Variants in LSS observed in about 807,000 individuals in gnomAD.
LSS encodes the protein lanosterol synthase, also known as 2,3-epoxysqualene-lanosterol cyclase.
In LSS, 90 loss-of-function variants were observed where a neutral mutation model predicts 110.3. The observed-to-expected ratio is 0.82, with a 90% CI of 0.69 to 0.97. The LOEUF (loss-of-function observed/expected upper bound fraction) is 0.97. LSS is among the 50% of genes least tolerant of loss of function. The probability of loss-of-function intolerance (pLI) is 0.00; values close to 1 mark genes in which losing one functional copy is unlikely to be tolerated. For synonymous variants in LSS, 433 were observed against 400.0 expected (o/e 1.08, Z -0.98); for missense variants, 927 against 990.0 (o/e 0.94, Z 0.85).
At chr21:46,215,617 G>A (rs1423273285) in intron 8 of LSS, 68 bp downstream of exon 8, 92 of 1,131,768 alleles carry the variant, frequency 8.1e-5, no homozygotes, top group South Asian at 2.9e-5. Context: ...GGATGAGTGC[G>A]TGAATGAGTG....
chr21:46,203,205 T>C (rs547871718), intron 17 of LSS, among the ~76,000 whole-genome samples: 16 of 152,258 alleles, frequency 1.1e-4, no homozygotes, highest in African/African-American at 3.9e-4. Context: ...ATAATAATGG[T>C]CATGAATAAA....
At position 46,216,884 on chromosome 21, in the gene LSS, C is replaced by T. The variant is rs1479171652; in HGVS notation, c.648-360G>A. On this transcript the variant is annotated intron_variant, in intron 6 of 21. Coordinates refer to ENST00000397728, the MANE Select transcript of LSS (RefSeq NM_002340.6). The surrounding 1 kb of genome is among the most constrained non-coding windows in gnomAD (Gnocchi z 4.2). Reference sequence around the variant, plus strand: ...TGAGGGCCCCAGGGAACACTCTTGGCTATCTTTGCAACTTTTCCAGAAATT... The same window carrying T: ...TGAGGGCCCCAGGGAACACTCTTGGTTATCTTTGCAACTTTTCCAGAAATT... Among the ~76,000 whole-genome samples, 2 of 152,142 alleles carry T rather than the reference C, an allele frequency of 1.3e-5. No homozygotes were observed. Among genetic ancestry groups the T allele is most frequent in the Non-Finnish European group, 2.9e-5 (2 of 68,026 alleles).
At chr21:46,203,423 C>T (rs78924032) in intron 17 of LSS, among the ~76,000 whole-genome samples, 7,627 of 152,286 alleles carry the variant, frequency 0.05, 583 homozygotes, top group African/African-American at 0.17. Context: ...GGCAGCAAGC[C>T]GCCATGGAAA....
In LSS at chr21:46,207,595, T is replaced by C. The variant is rs1290329064; in HGVS notation, c.1318-18A>G. On this transcript the variant is annotated intron_variant, in intron 14 of 21. Transcript: ENST00000397728. ...AAGCCACCCTGCAGAGCACAAGCCATGACTCCAGGCTGGGGGTGTCCACAC... is the reference window on the plus strand; with the variant it reads ...AAGCCACCCTGCAGAGCACAAGCCACGACTCCAGGCTGGGGGTGTCCACAC... 9 of 1,604,854 alleles carry C rather than the reference T, an allele frequency of 5.6e-6. No homozygotes were observed. In the East Asian group the frequency reaches 1.3e-4, roughly 24 times the overall value.
chr21:46,214,194 G>A (rs567141705), intron 9 of LSS, among the ~76,000 whole-genome samples: 1 of 152,328 alleles, frequency 6.6e-6, no homozygotes, highest in South Asian at 2.1e-4. Context: ...GGCCTGAGGG[G>A]CCCAGGAAGA....
intron 20 of LSS, chr21:46,192,437 C>A: frequency 2.2e-6 from 1 of 446,840 alleles, no homozygotes; most frequent in South Asian, 1.6e-5. Flanking sequence ...CCTGCCCTAG[C>A]TTTTAGGGTT....
intron 5 of LSS, 89 bp downstream of exon 5, chr21:46,221,765 G>C (rs181947976): frequency 2.5e-6 from 4 of 1,573,954 alleles, no homozygotes; most frequent in Non-Finnish European, 3.5e-6. Flanking sequence ...TGTTTCAGCT[G>C]CAAGTGCATC....
intron 14 of LSS, 36 bp from the exon 15 acceptor site, chr21:46,207,613 G>T: frequency 6.3e-7 from 1 of 1,596,972 alleles, no homozygotes. Flanking sequence ...GGCTGGGGGT[G>T]TCCACACCCC....
intron 8 of LSS, 65 bp from the exon 9 acceptor site, chr21:46,215,363 G>T: frequency 1.8e-6 from 2 of 1,117,018 alleles, no homozygotes; most frequent in Non-Finnish European, 2.6e-6. Flanking sequence ...GGAGCTCCAT[G>T]CACTGCAACG....
rs766346100 is a variant in LSS at position 46,212,996 on chromosome 21, G to A, written c.1137+29C>T. On this transcript the variant is annotated intron_variant, in intron 11 of 21. Transcript: ENST00000397728. The stretch of plus-strand genomic sequence containing the variant: ...AAGGGGAGACATGATTGCAAAGGAA[G>A]CATGCAGCCGCAGTCCCGCAGCCCT... The A allele has an allele frequency of 3.1e-6, 5 of 1,613,484 alleles. No individual in the cohort carries two copies. The Admixed American group carries it at 6.7e-5, about 22-fold the overall frequency.
intron 10 of LSS, 26 bp downstream of exon 10, chr21:46,213,712 C>G (rs369398731): frequency 9.9e-5 from 158 of 1,599,252 alleles, no homozygotes; most frequent in Non-Finnish European, 1.3e-4. Flanking sequence ...TGAGAGGCCC[C>G]GCCAGCATAT....
At position 46,211,419 on chromosome 21, in the gene LSS, G is replaced by A. The variant is rs149867698; in HGVS notation, c.1138-675C>T. On this transcript the variant is annotated intron_variant, in intron 11 of 21. Transcript: ENST00000397728. ...GTAGGGATTACAGGCGTGAGCCACC[G>A]CACCTGGCCAATGATCCCCATTTCT... 3.4e-3 allele frequency among the ~76,000 whole-genome samples: 511 copies of A among 152,324 alleles called. 4 individuals are homozygous for A. The highest frequency in any genetic ancestry group is 9.5e-3 in the African/African-American group (393 of 41,578).
In LSS at chr21:46,191,192, T is replaced by C. The variant is rs1259174525; in HGVS notation, c.2111A>G (p.Tyr704Cys). ...GGGGAAGATGTTCCTGTAGCTCGTG[T>C]AGGAGATGGCACAGGACTTGTTGAA... ...GVFNKSCAIS[Y>C]TSYRNIFPIW... Residue 704 changes from tyrosine to cysteine, a missense_variant, in exon 22 of 22, where the codon TAC becomes TGC. Physicochemically the swap from Tyr to Cys is radical, Grantham distance 194. Transcript: ENST00000397728. 6.2e-7 allele frequency: 1 copy of C among 1,613,970 alleles called. No individual in the cohort carries two copies. The highest frequency in any genetic ancestry group is 1.1e-5 in the South Asian group (1 of 91,092).
At position 46,222,752 on chromosome 21, in the gene LSS, G is replaced by C; in HGVS notation, c.320-14C>G. On this transcript the variant is annotated splice_polypyrimidine_tract_variant and intron_variant, in intron 3 of 21. Transcript: ENST00000397728. ...TGATCAGGAGGCCTGTGTGGCAGGA[G>C]AGATGTTCCTCACTGGGGACAGGTG... The C allele has an allele frequency of 6.2e-7, 1 of 1,602,302 alleles. No homozygotes were observed. The highest frequency in any genetic ancestry group is 1.1e-5 in the South Asian group (1 of 90,798).
chr21:46,224,233 T>C (rs955669086), intron 3 of LSS, among the ~76,000 whole-genome samples: 1 of 152,212 alleles, frequency 6.6e-6, no homozygotes, highest in African/African-American at 2.4e-5. Context: ...AAGGGCCCCC[T>C]GTCCAGTGGA....
At chr21:46,206,421 T>G (rs1203592703) in intron 16 of LSS, among the ~76,000 whole-genome samples, 1 of 152,126 alleles carries the variant, frequency 6.6e-6, no homozygotes, top group Admixed American at 6.5e-5. Context: ...AGGCTGTGGA[T>G]CTCACTGGAA....
At position 46,216,568 on chromosome 21, in the gene LSS, C is replaced by G. The variant is rs777421060; in HGVS notation, c.648-44G>C. 15 of 1,507,190 alleles carry G rather than the reference C, an allele frequency of 1.0e-5. No individual in the cohort carries two copies. In the Admixed American group the frequency reaches 3.1e-4, roughly 31 times the overall value. The allele number at this position is 1,507,190 out of a possible 1,614,324, so 93.4% of individuals were successfully genotyped here. A position where few individuals can be genotyped will look rare whatever the true frequency, so the allele number is the denominator to read the frequency against. ...TCAGTGGGAGACCCCAAGACTCAAG[C>G]CTGCCCCCTCCGCCAGCATCCATAC... On this transcript the variant is annotated intron_variant, in intron 6 of 21. Coordinates refer to ENST00000397728, the MANE Select transcript of LSS (RefSeq NM_002340.6). The surrounding 1 kb of genome is among the most constrained non-coding windows in gnomAD (Gnocchi z 4.2).
Position 46,205,893 on chromosome 21 carries a change from A to G in LSS, c.1613T>C (p.Met538Thr). 1 of 1,611,766 alleles carries G rather than the reference A, an allele frequency of 6.2e-7. No homozygotes were observed. Among genetic ancestry groups the G allele is most frequent in the Non-Finnish European group, 8.5e-7 (1 of 1,179,120 alleles). ...CTTGTGGAAATACTTAAGCGCCTGC[A>G]TCACGGCTGAGGTGCACTCCACATA... ...YTYVECTSAV[M>T]QALKYFHKRF... Residue 538 changes from methionine to threonine, a missense_variant, in exon 17 of 22, where the codon ATG becomes ACG. Physicochemically the swap from Met to Thr is moderately conservative, Grantham distance 81 (BLOSUM62 -1). Coordinates refer to ENST00000397728, the MANE Select transcript of LSS (RefSeq NM_002340.6).
chr21:46,222,600 G>C, intron 4 of LSS, 30 bp downstream of exon 4: 1 of 1,578,260 alleles, frequency 6.3e-7, no homozygotes, highest in Non-Finnish European at 8.7e-7. Context: ...ACATGCACAT[G>C]TGCAGTGACA....
Sources: allele counts gnomAD v4.1 joint callset (sites outside exome capture counted in the v4.1 genomes callset), GRCh38; gene constraint gnomAD v4.1.1; non-coding constraint Gnocchi (gnomAD v3.1); transcripts MANE v1.5; gene names NCBI Gene and HGNC (gene_info 2026-07-23, HGNC 2026-07-21).